ENO2: variants seen among roughly 807,000 people sequenced by gnomAD.
The protein encoded by ENO2 is enolase 2.
Under a neutral mutation model 48.7 loss-of-function variants are expected in ENO2, and 19 were observed. The ratio of observed to expected loss-of-function variants is 0.39; its 90% CI spans 0.27 to 0.57. The LOEUF (loss-of-function observed/expected upper bound fraction) is 0.57, where lower values mean the gene tolerates loss of function less well. ENO2 is among the 20% of genes least tolerant of loss of function. ENO2 has a pLI of 0.58. For synonymous variants in ENO2, 198 were observed against 213.4 expected (o/e 0.93, Z 0.63); for missense variants, 416 against 555.0 (o/e 0.75, Z 2.52).
rs782382906 is a variant in ENO2 at position 6,921,729 on chromosome 12, C to T, written c.1014C>T (p.Asn338=). ...GGGCAGTGGAAGAAAAGGCCTGCAA[C>T]TGTCTGCTGCTCAAGGTCAACCAGA... ...IERAVEEKAC[N]CLLLKVNQIG... The change falls in exon 9 of 12, where the codon AAC becomes AAT. Residue 338 remains asparagine (N), a synonymous_variant. Transcript: ENST00000229277. 7 of 1,614,092 alleles carry T rather than the reference C, an allele frequency of 4.3e-6. No homozygotes were observed. The highest frequency in any genetic ancestry group is 1.3e-5 in the African/African-American group (1 of 74,934).
intron 8 of ENO2, 94 bp downstream of exon 8, chr12:6,919,857 G>A: frequency 1.5e-6 from 2 of 1,366,968 alleles, no homozygotes; most frequent in Non-Finnish European, 1.0e-6. Context: ...CAGGCACCAG[G>A]TGGGGGTGTC....
chr12:6,919,488 T>C, intron 7 of ENO2, 78 bp from the exon 8 acceptor site: 12 of 1,525,986 alleles, frequency 7.9e-6, no homozygotes, highest in Non-Finnish European at 1.1e-5. Context: ...ACCTCTGCCC[T>C]GAATGTCTTT....
Position 6,916,463 on chromosome 12 carries a change from T to C in ENO2, c.132T>C (p.Tyr44=). The change falls in exon 3 of 12, where the codon TAT becomes TAC. Residue 44 remains tyrosine (Y), a synonymous_variant. Coordinates refer to ENST00000229277, the MANE Select transcript of ENO2 (RefSeq NM_001975.3). This position sits in a 1 kb window ranked among gnomAD's most constrained non-coding sequence, Gnocchi z 4.5. ...AVPSGASTGI[Y]EALELRDGDK... is the part of the protein sequence containing the mutation. ...CCAGTGGAGCCTCTACGGGCATCTATGAGGCCCTGGAGCTGAGGGATGGAG... is the reference window on the plus strand; with the variant it reads ...CCAGTGGAGCCTCTACGGGCATCTACGAGGCCCTGGAGCTGAGGGATGGAG... 6.2e-7 allele frequency: 1 copy of C among 1,614,122 alleles called. No individual in the cohort carries two copies. Among genetic ancestry groups the C allele is most frequent in the Non-Finnish European group, 8.5e-7 (1 of 1,180,002 alleles).
intron 1 of ENO2, chr12:6,915,348 G>C (rs1369694339): frequency 5.6e-6 from 1 of 178,698 alleles, no homozygotes; most frequent in East Asian, 1.4e-4. Flanking sequence ...GGAAGGGGCA[G>C]TGTTCAGGCA....
intron 7 of ENO2, among the ~76,000 whole-genome samples, chr12:6,918,673 T>A (rs1945313909): frequency 6.6e-6 from 1 of 150,494 alleles, no homozygotes; most frequent in Non-Finnish European, 1.5e-5. Context: ...GCCAGATGTG[T>A]TAGCATCTGT....
In ENO2 at chr12:6,916,490, C is replaced by T. The variant is rs1555141618; in HGVS notation, c.159C>T (p.Asp53=). 3 of 1,614,096 alleles carry T rather than the reference C, an allele frequency of 1.9e-6. No homozygotes were observed. The Admixed American group carries it at 5.0e-5, about 27-fold the overall frequency. The change falls in exon 3 of 12, where the codon GAC becomes GAT. Residue 53 remains aspartate (D), a synonymous_variant. Coordinates refer to ENST00000229277, the MANE Select transcript of ENO2 (RefSeq NM_001975.3). The surrounding 1 kb of genome is among the most constrained non-coding windows in gnomAD (Gnocchi z 4.5). ...IYEALELRDG[D]KQRYLGKGVL... ...AGGCCCTGGAGCTGAGGGATGGAGA[C>T]AAACAGCGTTACTTAGGCAAAGGTG...
chr12:6,917,681 G>A lies in ENO2; in HGVS notation c.411G>A (p.Leu137=), dbSNP rs1555141755. The A allele has an allele frequency of 1.2e-6, 2 of 1,613,542 alleles. No homozygotes were observed. The highest frequency in any genetic ancestry group is 3.3e-5 in the Admixed American group (2 of 59,998). The part of the protein sequence containing the change: ...ELPLYRHIAQ[L]AGNSDLILPV... The stretch of plus-strand genomic sequence containing the variant: ...CCCTGTATCGCCACATTGCTCAGCT[G>A]GCCGGGAACTCAGACCTCATCCTGC... Residue 137 remains leucine, a synonymous_variant, in exon 6 of 12, where the codon CTG becomes CTA. Transcript: ENST00000229277.
At position 6,922,627 on chromosome 12, in the gene ENO2, A is replaced by G. The variant is rs1945350536; in HGVS notation, c.1236-104A>G. 1 of 1,421,154 alleles carries G rather than the reference A, an allele frequency of 7.0e-7. No individual in the cohort carries two copies. The highest frequency in any genetic ancestry group is 9.9e-7 in the Non-Finnish European group (1 of 1,010,250). 88.0% of individuals were successfully genotyped at this position (1,421,154 alleles called of 1,614,324 possible). On this transcript the variant is annotated intron_variant, in intron 11 of 11. Transcript: ENST00000229277. The surrounding 1 kb of genome is among the most constrained non-coding windows in gnomAD (Gnocchi z 5.3). ...ATGCTAAGCCTTGGGGCAGGACACA[A>G]AAGCAGGTGGTGTGGGGGTGGTTGG...
chr12:6,915,778 T>A, intron 1 of ENO2, 43 bp from the exon 2 acceptor site: 2 of 1,326,100 alleles, frequency 1.5e-6, no homozygotes, highest in Non-Finnish European at 2.0e-6. Flanking sequence ...TCCACCCCTC[T>A]AAGCCTCTTA....
chr12:6,922,676 G>A lies in ENO2; in HGVS notation c.1236-55G>A, dbSNP rs1555142236. On this transcript the variant is annotated intron_variant, in intron 11 of 11. Transcript: ENST00000229277. This position sits in a 1 kb window ranked among gnomAD's most constrained non-coding sequence, Gnocchi z 5.3. ...GGAGTCTGGGGGACCCCTAGAGAGA[G>A]AAGCAGGATCCTCCTGCATCCCTGA... is the stretch of plus-strand genomic sequence containing the variant. 1.4e-5 allele frequency: 23 copies of A among 1,605,800 alleles called. No individual in the cohort carries two copies. The highest frequency in any genetic ancestry group is 1.8e-5 in the Non-Finnish European group (21 of 1,173,062).
Position 6,922,447 on chromosome 12 carries a change from G to C in ENO2, c.1235+45G>C. 1 of 1,610,566 alleles carries C rather than the reference G, an allele frequency of 6.2e-7. No homozygotes were observed. The highest frequency in any genetic ancestry group is 2.2e-5 in the East Asian group (1 of 44,856). Reference sequence around the variant, plus strand: ...GAGCCCCTGGCCCAGATGGCTAAAGGCCCCATTTGCCTGCCAGACCATCTG... The same window carrying C: ...GAGCCCCTGGCCCAGATGGCTAAAGCCCCCATTTGCCTGCCAGACCATCTG... On this transcript the variant is annotated intron_variant, in intron 11 of 11. Transcript: ENST00000229277. This position sits in a 1 kb window ranked among gnomAD's most constrained non-coding sequence, Gnocchi z 5.3.
chr12:6,922,851 C>T lies in ENO2; in HGVS notation c.*51C>T, dbSNP rs1455327071. 4 of 1,600,064 alleles carry T rather than the reference C, an allele frequency of 2.5e-6. No homozygotes were observed. The highest frequency in any genetic ancestry group is 3.4e-6 in the Non-Finnish European group (4 of 1,168,212). On this transcript the variant is annotated 3_prime_UTR_variant, in exon 12 of 12. Coordinates refer to ENST00000229277, the MANE Select transcript of ENO2 (RefSeq NM_001975.3). The surrounding 1 kb of genome is among the most constrained non-coding windows in gnomAD (Gnocchi z 5.3). ...AACCTCTGTCTCATCCTCCTGGAAC[C>T]TTGCTGTCCTGATCTGTGATAGTTC...
rs1211202485 is a variant in ENO2 at position 6,916,074 on chromosome 12, G to A, written c.85+157G>A. On this transcript the variant is annotated intron_variant, in intron 2 of 11. Transcript: ENST00000229277. This position sits in a 1 kb window ranked among gnomAD's most constrained non-coding sequence, Gnocchi z 4.5. ...TGTGGCGGTTGGATCCTCCTTGTCC[G>A]GGGAGCCAGGGTAGGTGGGTCTGTG... is the stretch of plus-strand genomic sequence containing the variant. 1.3e-5 allele frequency among the ~76,000 whole-genome samples: 2 copies of A among 152,150 alleles called. No individual in the cohort carries two copies.
intron 7 of ENO2, 120 bp from the exon 8 acceptor site, chr12:6,919,446 C>T: frequency 9.0e-7 from 1 of 1,109,492 alleles, no homozygotes. Flanking sequence ...CCAACAGCAT[C>T]CCCGCCACAC....
In ENO2 at chr12:6,919,597, G is replaced by A. The variant is rs1363955766; in HGVS notation, c.699G>A (p.Lys233=). 2 of 1,613,986 alleles carry A rather than the reference G, an allele frequency of 1.2e-6. No homozygotes were observed. Among genetic ancestry groups the A allele is most frequent in the African/African-American group, 2.7e-5 (2 of 74,886 alleles). The change falls in exon 8 of 12, where the codon AAG becomes AAA. Residue 233 remains lysine, a synonymous_variant. Coordinates refer to ENST00000229277, the MANE Select transcript of ENO2 (RefSeq NM_001975.3). The part of the protein sequence containing the change: ...ALELVKEAID[K]AGYTEKIVIG... Reference sequence around the variant, plus strand: ...AGCTGGTGAAGGAAGCCATCGACAAGGCTGGCTACACGGAAAAGATCGTTA... The same window carrying A: ...AGCTGGTGAAGGAAGCCATCGACAAAGCTGGCTACACGGAAAAGATCGTTA...
chr12:6,921,881 C>A (rs782577118), intron 9 of ENO2, 99 bp downstream of exon 9: 2 of 1,530,222 alleles, frequency 1.3e-6, no homozygotes, highest in Non-Finnish European at 1.8e-6. Flanking sequence ...CCAAAGAGAG[C>A]GGGGAACCTG....
chr12:6,918,156 A>G lies in ENO2; in HGVS notation c.661A>G (p.Ser221Gly), dbSNP rs782786582. The change falls in exon 7 of 12, where the codon AGT becomes GGT. Residue 221 changes from serine (S) to glycine (G), a missense_variant. By Grantham distance (56) the Ser-to-Gly change is moderately conservative. Transcript: ENST00000229277. ...CTTTGCCCCCAATATCCTGGAGAAC[A>G]GTGAAGGTGAGGCCAGGAGCCCCAC... The part of the protein sequence containing the change: ...GGFAPNILEN[S>G]EALELVKEAI... 6.2e-7 allele frequency: 1 copy of G among 1,614,080 alleles called. No homozygotes were observed. Among genetic ancestry groups the G allele is most frequent in the South Asian group, 1.1e-5 (1 of 91,080 alleles).
Position 6,918,020 on chromosome 12 carries a change from TG to T in ENO2, c.526del (p.Glu176ArgfsTer9). On this transcript the variant is annotated frameshift_variant, in exon 7 of 12. Coordinates refer to ENST00000229277, the MANE Select transcript of ENO2 (RefSeq NM_001975.3). LOFTEE classifies it high-confidence loss of function. Reference protein sequence around the residue: ...QEFMILPVGAESFRDAMRLGA... With the variant: ...QEFMILPVGAXSFRDAMRLGA... Reference sequence around the variant, plus strand: ...AGTTCATGATCCTCCCAGTGGGAGCTGAGAGCTTTCGGGATGCCATGCGACT... The same window carrying T: ...AGTTCATGATCCTCCCAGTGGGAGCTAGAGCTTTCGGGATGCCATGCGACT... 6.2e-7 allele frequency: 1 copy of T among 1,614,102 alleles called. No homozygotes were observed. The highest frequency in any genetic ancestry group is 8.5e-7 in the Non-Finnish European group (1 of 1,180,018).
chr12:6,917,495 G>C (rs1945302141), intron 5 of ENO2, 86 bp from the exon 6 acceptor site: 5 of 1,528,814 alleles, frequency 3.3e-6, no homozygotes, highest in Admixed American at 2.0e-5. Flanking sequence ...TCCTTTACTG[G>C]CTCCTTTTGG....
Sources: gnomAD v4.1 joint callset for allele counts (sites outside exome capture counted in the v4.1 genomes callset) on GRCh38, gnomAD v4.1.1 for gene constraint, Gnocchi (gnomAD v3.1) non-coding constraint, MANE v1.5 for transcripts, NCBI Gene and HGNC (gene_info 2026-07-23, HGNC 2026-07-21) for gene names.